Variants in ANKS1A observed in about 807,000 individuals in gnomAD.
ANKS1A encodes ankyrin repeat and SAM domain-containing protein 1A.
In ANKS1A, 55 loss-of-function variants were observed where a neutral mutation model predicts 120.3. That is an observed-to-expected ratio of 0.46 (90% CI 0.37 to 0.57). The LOEUF (loss-of-function observed/expected upper bound fraction) is 0.57, where lower values mean the gene tolerates loss of function less well. Among genes scored for constraint, ANKS1A ranks in the 20% least tolerant of loss-of-function variants. The pLI is 0.00. For missense variants in ANKS1A, 1,123 were observed against 1,480.3 expected (o/e 0.76, Z 3.96); for synonymous variants, 590 against 604.7 (o/e 0.98, Z 0.36).
the ANKS1A span, among the ~76,000 whole-genome samples, chr6:35,096,699 T>C: frequency 6.6e-6 from 1 of 152,202 alleles, no homozygotes; most frequent in Admixed American, 6.5e-5. Context: ...TGACATTCTC[T>C]GGTGGATTTA....
Position 35,089,092 on chromosome 6 carries a change from G to A in ANKS1A, c.*483G>A, listed in dbSNP as rs2127619436. On this transcript the variant is annotated 3_prime_UTR_variant, in exon 24 of 24. Transcript: ENST00000360359. ...AGAGAAGGCGGTGGCCTGTGGGTGA[G>A]GGGAACGGAGCAGGCTCAGGCAGAA... 1.9e-6 allele frequency: 2 copies of A among 1,049,296 alleles called. No homozygotes were observed. The highest frequency in any genetic ancestry group is 2.3e-6 in the Non-Finnish European group (2 of 867,294). The allele number at this position is 1,049,296 out of a possible 1,614,324, so 65.0% of individuals were successfully genotyped here. A position where few individuals can be genotyped will look rare whatever the true frequency, so the allele number is the denominator to read the frequency against.
intron 8 of ANKS1A, among the ~76,000 whole-genome samples, chr6:34,985,847 A>T (rs1446709902): frequency 4.6e-5 from 7 of 152,232 alleles, no homozygotes; most frequent in Non-Finnish European, 8.8e-5. Context: ...AGATAAGAGG[A>T]TGAGAACAAC....
intron 9 of ANKS1A, among the ~76,000 whole-genome samples, chr6:34,990,910 T>A (rs1004386952): frequency 6.6e-6 from 1 of 152,164 alleles, no homozygotes; most frequent in African/African-American, 2.4e-5. Context: ...AATACAGAGG[T>A]GATACGGCCT....
At position 34,957,261 on chromosome 6, in the gene ANKS1A, C is replaced by G. The variant is rs552191044; in HGVS notation, c.198-9978C>G. ...TGGCACTGTTGTGGGGCTTCTGTGTCTGACTGTTTCATGTCTGTGTTTTGT... is the reference window on the plus strand; with the variant it reads ...TGGCACTGTTGTGGGGCTTCTGTGTGTGACTGTTTCATGTCTGTGTTTTGT... On this transcript the variant is annotated intron_variant, in intron 1 of 23. Coordinates refer to ENST00000360359, the MANE Select transcript of ANKS1A (RefSeq NM_015245.3). 2.0e-5 allele frequency among the ~76,000 whole-genome samples: 3 copies of G among 152,272 alleles called. No homozygotes were observed. The South Asian group carries it at 6.2e-4, about 32-fold the overall frequency.
Position 34,982,780 on chromosome 6 carries a change from C to A in ANKS1A, c.761C>A (p.Ala254Asp). 1 of 1,614,250 alleles carries A rather than the reference C, an allele frequency of 6.2e-7. No individual in the cohort carries two copies. Among genetic ancestry groups the A allele is most frequent in the Non-Finnish European group, 8.5e-7 (1 of 1,180,052 alleles). ...QTEMGSALHE[A>D]ALFGKTDVVQ... Reference sequence around the variant, plus strand: ...GAGATGGGCAGTGCTTTGCATGAGGCTGCTTTGTTTGGCAAGACCGATGTG... The same window carrying A: ...GAGATGGGCAGTGCTTTGCATGAGGATGCTTTGTTTGGCAAGACCGATGTG... The change falls in exon 5 of 24, where the codon GCT (alanine) becomes GAT (aspartate). Residue 254 changes from alanine to aspartate, a missense_variant. By Grantham distance (126) the Ala-to-Asp change is moderately radical (BLOSUM62 -2). Transcript: ENST00000360359. The surrounding 1 kb of genome is among the most constrained non-coding windows in gnomAD (Gnocchi z 4.9).
intron 7 of ANKS1A, 142 bp from the exon 8 acceptor site, chr6:34,984,940 A>T (rs1348551105): frequency 5.7e-6 from 4 of 695,920 alleles, no homozygotes; most frequent in Non-Finnish European, 9.5e-6. Context: ...ATTCTTGTCC[A>T]TGGAACAAAG....
intron 8 of ANKS1A, among the ~76,000 whole-genome samples, chr6:34,987,552 T>C (rs1261468314): frequency 1.3e-5 from 2 of 152,120 alleles, no homozygotes; most frequent in African/African-American, 4.8e-5. Context: ...GTGGGGAAAG[T>C]GGGACTTAGT....
chr6:35,078,696 C>T, intron 14 of ANKS1A, 40 bp downstream of exon 14: 1 of 1,571,966 alleles, frequency 6.4e-7, no homozygotes. Flanking sequence ...CCGTGCGGAG[C>T]CAGGGCCACC....
chr6:34,985,050 A>G (rs1285934721), intron 7 of ANKS1A, 32 bp from the exon 8 acceptor site: 9 of 1,591,552 alleles, frequency 5.7e-6, no homozygotes, highest in East Asian at 2.2e-5. Flanking sequence ...GCTCCCCTTC[A>G]GTGACTCTCT....
intron 1 of ANKS1A, among the ~76,000 whole-genome samples, chr6:34,960,892 T>TCTA (rs987932305): frequency 2.0e-5 from 3 of 152,146 alleles, no homozygotes; most frequent in Admixed American, 1.3e-4. Context: ...GTGTGGAAAA[T>TCTA]CAAGTGAATT....
chr6:34,890,962 A>G (rs778908975), intron 1 of ANKS1A, among the ~76,000 whole-genome samples: 6 of 152,256 alleles, frequency 3.9e-5, no homozygotes, highest in Non-Finnish European at 7.3e-5. Context: ...TTAAAAAGCA[A>G]TATAAGTAGG....
chr6:34,890,024 G>A (rs1027100430), intron 1 of ANKS1A, among the ~76,000 whole-genome samples: 5 of 152,062 alleles, frequency 3.3e-5, no homozygotes, highest in Non-Finnish European at 7.3e-5. Context: ...CTCCTCTGGA[G>A]GAAATTCTAT....
At chr6:34,988,955 A>G (rs1772362078) in intron 8 of ANKS1A, among the ~76,000 whole-genome samples, 1 of 152,204 alleles carries the variant, frequency 6.6e-6, no homozygotes, top group South Asian at 2.1e-4. Flanking sequence ...ATGTGTTCTC[A>G]GTACTGGCAT....
At chr6:34,980,191 G>C (rs150992774) in intron 3 of ANKS1A, among the ~76,000 whole-genome samples, 8 of 152,378 alleles carry the variant, frequency 5.3e-5, no homozygotes, top group Admixed American at 3.3e-4. Flanking sequence ...CAGGCCGGCT[G>C]TATCCTCTGG....
rs983481247 is a variant in ANKS1A at position 35,057,228 on chromosome 6, C to A, written c.2078-2919C>A. On this transcript the variant is annotated intron_variant, in intron 12 of 23. Transcript: ENST00000360359. The surrounding 1 kb of genome is among the most constrained non-coding windows in gnomAD (Gnocchi z 4.1). ...CACCACTGGAGCTAGTTAGCTGAAT[C>A]GCCAACAGAAGCGTTTACAGCTAAC... Among the ~76,000 whole-genome samples the A allele has an allele frequency of 6.6e-6, 1 of 152,098 alleles. No homozygotes were observed. The highest frequency in any genetic ancestry group is 1.5e-5 in the Non-Finnish European group (1 of 68,024).
intron 11 of ANKS1A, among the ~76,000 whole-genome samples, chr6:35,037,274 T>C (rs920590776): frequency 6.6e-6 from 1 of 152,256 alleles, no homozygotes; most frequent in Non-Finnish European, 1.5e-5. Flanking sequence ...TGTTGATGAC[T>C]TCCCTAATTA....
chr6:34,890,564 G>A (rs559862432), intron 1 of ANKS1A, among the ~76,000 whole-genome samples: 2 of 152,294 alleles, frequency 1.3e-5, no homozygotes, highest in South Asian at 4.1e-4. Flanking sequence ...AGAAATAAAG[G>A]CAGAGAGACT....
chr6:35,011,095 A>G (rs914330554), intron 10 of ANKS1A, among the ~76,000 whole-genome samples: 2 of 152,184 alleles, frequency 1.3e-5, no homozygotes, highest in African/African-American at 2.4e-5. Context: ...TTCTTACCTC[A>G]TGGTTGTTGT....
intron 17 of ANKS1A, among the ~76,000 whole-genome samples, chr6:35,081,557 C>T (rs545859763): frequency 6.6e-6 from 1 of 152,324 alleles, no homozygotes; most frequent in East Asian, 1.9e-4. Context: ...TCTGCTTACC[C>T]ACGTTGTTCC....
Sources: allele counts gnomAD v4.1 joint callset (sites outside exome capture counted in the v4.1 genomes callset), GRCh38; gene constraint gnomAD v4.1.1; non-coding constraint Gnocchi (gnomAD v3.1); transcripts MANE v1.5; gene names NCBI Gene and HGNC (gene_info 2026-07-23, HGNC 2026-07-21).